Variants in ZNF107 observed in about 807,000 individuals in gnomAD.
The protein encoded by ZNF107 is zinc finger protein 107.
ZNF107 carries 19 observed loss-of-function variants against 12.3 expected under a neutral mutation model. That is an observed-to-expected ratio of 1.55 (90% CI 1.08 to 2.27). The LOEUF (loss-of-function observed/expected upper bound fraction) is 2.27, where lower values mean the gene tolerates loss of function less well. ZNF107 is among the 30% of genes most tolerant of loss of function. The pLI is 0.00. For synonymous variants in ZNF107, 317 were observed against 330.5 expected (o/e 0.96, Z 0.44); for missense variants, 958 against 979.9 (o/e 0.98, Z 0.30).
chr7:64,677,962 T>C (rs1431379777), intron 1 of ZNF107, among the ~76,000 whole-genome samples: 1 of 152,122 alleles, frequency 6.6e-6, no homozygotes, highest in Non-Finnish European at 1.5e-5. Flanking sequence ...TATTCTCCTA[T>C]GTGAAAAATA....
At chr7:64,692,090 T>G (rs35690123) in intron 3 of ZNF107, 130 bp downstream of exon 3, 10,528 of 517,078 alleles carry the variant, frequency 0.02, 643 homozygotes, top group African/African-American at 0.14. Context: ...AAAGCCTGAG[T>G]TTTTTTTTCT....
chr7:64,685,516 C>T (rs1789873057), intron 1 of ZNF107, among the ~76,000 whole-genome samples: 1 of 152,158 alleles, frequency 6.6e-6, no homozygotes, highest in East Asian at 1.9e-4. Flanking sequence ...CGAATGCCTC[C>T]TTATCCCCTC....
At chr7:64,686,290 T>C (rs2128961243) in intron 1 of ZNF107, among the ~76,000 whole-genome samples, 1 of 152,292 alleles carries the variant, frequency 6.6e-6, no homozygotes, top group East Asian at 1.9e-4. Context: ...GGCTTCTCCC[T>C]ATAGCTGGGC....
At chr7:64,688,987 A>G (rs1304419772) in intron 1 of ZNF107, among the ~76,000 whole-genome samples, 1 of 152,180 alleles carries the variant, frequency 6.6e-6, no homozygotes, top group Non-Finnish European at 1.5e-5. Flanking sequence ...TGCCTTTACA[A>G]ATCCACTTGC....
rs528991491 is a variant in ZNF107 at position 64,711,472 on chromosome 7, A to T, written c.*2816A>T. On this transcript the variant is annotated 3_prime_UTR_variant, in exon 4 of 4. Coordinates refer to ENST00000620827, the MANE Select transcript of ZNF107 (RefSeq NM_001282359.2). ...ATTCTGCACTTTTAGATACTTTAGA[A>T]TGTACAGTCGTTACTACAGGGTCAT... 1.3e-5 allele frequency: 2 copies of T among 152,322 alleles called. No individual in the cohort carries two copies. The highest frequency in any genetic ancestry group is 2.4e-5 in the African/African-American group (1 of 41,584). The allele number at this position is 152,322 out of a possible 1,614,324, so 9.4% of individuals were successfully genotyped here.
chr7:64,685,415 T>C (rs1789867458), intron 1 of ZNF107, among the ~76,000 whole-genome samples: 1 of 151,942 alleles, frequency 6.6e-6, no homozygotes, highest in African/African-American at 2.4e-5. Flanking sequence ...ACCTCTCTGC[T>C]TAACAAACAA....
At chr7:64,701,966 TATC>T (rs1416375889) in intron 3 of ZNF107, among the ~76,000 whole-genome samples, 4 of 152,310 alleles carry the variant, frequency 2.6e-5, no homozygotes, top group Admixed American at 2.6e-4. Flanking sequence ...AAGCTACTAT[TATC>T]ATTTTATTAT....
chr7:64,683,478 T>C (rs535901857), intron 1 of ZNF107, among the ~76,000 whole-genome samples: 2 of 152,324 alleles, frequency 1.3e-5, no homozygotes, highest in East Asian at 3.9e-4. Context: ...TATATTTCTT[T>C]CTCATCTATT....
At chr7:64,679,445 A>C in intron 1 of ZNF107, 2 of 853,164 alleles carry the variant, frequency 2.3e-6, no homozygotes, top group Non-Finnish European at 2.8e-6. Flanking sequence ...CTCTGGGAAG[A>C]CAGGCTTCCC....
At chr7:64,693,873 T>C (rs1438931534) in intron 3 of ZNF107, among the ~76,000 whole-genome samples, 1 of 151,886 alleles carries the variant, frequency 6.6e-6, no homozygotes, top group Non-Finnish European at 1.5e-5. Context: ...ACTGCAACCT[T>C]TGCCTCCCGG....
At position 64,708,303 on chromosome 7, in the gene ZNF107, A is replaced by T; in HGVS notation, c.2206A>T (p.Lys736Ter). ...IHTGEKPYKC[K>*]ECGKAFNLSS... ...TACTGGAGAGAAACCTTACAAATGT[A>T]AAGAATGTGGCAAAGCTTTTAACCT... Residue 736 changes from lysine (K) to a stop codon, truncating the protein, a stop_gained, in exon 4 of 4, where the codon AAA (lysine) becomes TAA (stop). Coordinates refer to ENST00000620827, the MANE Select transcript of ZNF107 (RefSeq NM_001282359.2). LOFTEE classifies it low-confidence loss of function (END_TRUNC). 6.2e-7 allele frequency: 1 copy of T among 1,612,498 alleles called. No homozygotes were observed. Among genetic ancestry groups the T allele is most frequent in the African/African-American group, 1.3e-5 (1 of 74,718 alleles).
rs1790861597 is a variant in ZNF107 at position 64,710,750 on chromosome 7, A to G, written c.*2094A>G. 2 of 152,150 alleles carry G rather than the reference A, an allele frequency of 1.3e-5. No homozygotes were observed. The highest frequency in any genetic ancestry group is 4.8e-5 in the African/African-American group (2 of 41,444). 9.4% of individuals were successfully genotyped at this position (152,150 alleles called of 1,614,324 possible). A position where few individuals can be genotyped will look rare whatever the true frequency, so the allele number is the denominator to read the frequency against. ...TAATTTTTCATGCATCAAAGATATG[A>G]GAAATCATTTCTGTTAGGTCGGTAT... On this transcript the variant is annotated 3_prime_UTR_variant, in exon 4 of 4. Coordinates refer to ENST00000620827, the MANE Select transcript of ZNF107 (RefSeq NM_001282359.2).
intron 1 of ZNF107, among the ~76,000 whole-genome samples, chr7:64,668,196 T>C (rs1291527989): frequency 1.3e-5 from 2 of 151,958 alleles, no homozygotes; most frequent in African/African-American, 4.8e-5. Context: ...AGGGTACATG[T>C]GCATAACGTG....
Position 64,709,255 on chromosome 7 carries a change from T to TA in ZNF107, c.*600dup, listed in dbSNP as rs1267136125. 2.7e-6 allele frequency: 1 copy of TA among 371,142 alleles called. No homozygotes were observed. The highest frequency in any genetic ancestry group is 5.3e-6 in the Non-Finnish European group (1 of 187,758). 23.0% of individuals were successfully genotyped at this position (371,142 alleles called of 1,614,324 possible). On this transcript the variant is annotated 3_prime_UTR_variant, in exon 4 of 4. Coordinates refer to ENST00000620827, the MANE Select transcript of ZNF107 (RefSeq NM_001282359.2). ...AAGCTTTTAACTGATTCTCAACTCT[T>TA]ACTACATGTAAGAGTATTTATACTG...
chr7:64,687,130 A>G, intron 1 of ZNF107: 1 of 984,366 alleles, frequency 1.0e-6, no homozygotes, highest in Non-Finnish European at 1.2e-6. Context: ...CAATATAATC[A>G]TTTTCAGAGT....
At chr7:64,677,715 G>A (rs937961817) in intron 1 of ZNF107, among the ~76,000 whole-genome samples, 2 of 151,664 alleles carry the variant, frequency 1.3e-5, no homozygotes, top group Admixed American at 1.3e-4. Flanking sequence ...AGATGGGCGT[G>A]GTAGTGGGTG....
intron 3 of ZNF107, among the ~76,000 whole-genome samples, chr7:64,693,544 C>CACT (rs1357974848): frequency 9.5e-4 from 144 of 152,172 alleles, no homozygotes; most frequent in African/African-American, 3.3e-3. Context: ...GTAGCTTAGT[C>CACT]ACAAGGATGT....
chr7:64,703,450 G>A (rs551951126), intron 3 of ZNF107, among the ~76,000 whole-genome samples: 37 of 152,232 alleles, frequency 2.4e-4, no homozygotes, highest in African/African-American at 8.9e-4. Context: ...GGAGCAAAAC[G>A]TTTAGATTGA....
intron 1 of ZNF107, among the ~76,000 whole-genome samples, chr7:64,671,779 CTTT>C (rs1213610930): frequency 1.7e-5 from 2 of 116,554 alleles, no homozygotes; most frequent in Non-Finnish European, 3.6e-5. Context: ...CCTTTTTGTT[CTTT>C]TTTTTTTTTT....
Sources: gnomAD v4.1 joint callset for allele counts (sites outside exome capture counted in the v4.1 genomes callset) on GRCh38, gnomAD v4.1.1 for gene constraint, MANE v1.5 for transcripts, NCBI Gene and HGNC (gene_info 2026-07-23, HGNC 2026-07-21) for gene names.